SCAI: variants seen among roughly 807,000 people sequenced by gnomAD.
SCAI encodes protein SCAI.
Under a neutral mutation model 92.2 loss-of-function variants are expected in SCAI, and 24 were observed. The observed-to-expected ratio is 0.26, with a 90% CI of 0.19 to 0.37. The LOEUF is 0.37. Among genes scored for constraint, SCAI ranks in the 10% least tolerant of loss-of-function variants. The pLI, the probability that SCAI is intolerant of heterozygous loss-of-function variation, is 1.00. For synonymous variants in SCAI, 261 were observed against 258.6 expected (o/e 1.01, Z -0.09); for missense variants, 450 against 736.2 (o/e 0.61, Z 4.50).
Position 124,944,645 on chromosome 9 carries a change from TTAG to T in SCAI, c.*8159_*8161del, listed in dbSNP as rs935073032. 1 of 152,090 alleles carries T rather than the reference TTAG, an allele frequency of 6.6e-6. No individual in the cohort carries two copies. The allele number at this position is 152,090 out of a possible 1,614,324, so 9.4% of individuals were successfully genotyped here. ...TAGTTTTAATTTAGAAAAAAAGCAA[TTAG>T]TAGCATGCTTCTTTAAGGGTGGAAA... On this transcript the variant is annotated 3_prime_UTR_variant, in exon 18 of 18. Coordinates refer to ENST00000336505, the MANE Select transcript of SCAI (RefSeq NM_001144877.3).
chr9:125,134,174 A>G (rs948080363), intron 2 of SCAI, among the ~76,000 whole-genome samples: 2 of 152,196 alleles, frequency 1.3e-5, no homozygotes, highest in Non-Finnish European at 2.9e-5. Flanking sequence ...TAGTCACACT[A>G]CCAACAAATT....
intron 2 of SCAI, among the ~76,000 whole-genome samples, chr9:125,064,910 C>T (rs991927633): frequency 1.3e-5 from 2 of 151,918 alleles, no homozygotes; most frequent in African/African-American, 2.4e-5. Flanking sequence ...AAATAATTCA[C>T]GGGTCAAAAA....
At chr9:125,099,174 C>A (rs905539240) in intron 2 of SCAI, among the ~76,000 whole-genome samples, 2 of 152,024 alleles carry the variant, frequency 1.3e-5, no homozygotes, top group Non-Finnish European at 2.9e-5. Flanking sequence ...TTTAAGAATA[C>A]ATATTCATAT....
intron 17 of SCAI, among the ~76,000 whole-genome samples, chr9:124,953,367 G>A (rs1432136644): frequency 6.6e-6 from 1 of 152,030 alleles, no homozygotes; most frequent in African/African-American, 2.4e-5. Flanking sequence ...CATGGCTCAC[G>A]CCTGTAATCC....
In SCAI at chr9:124,995,003, C is replaced by A; in HGVS notation, c.1257G>T (p.Gly419=). 1 of 1,610,926 alleles carries A rather than the reference C, an allele frequency of 6.2e-7. No homozygotes were observed. The highest frequency in any genetic ancestry group is 1.7e-5 in the Admixed American group (1 of 59,658). ...SHKEMHCLHP[G]DLYPFTRKPL... ...GCTTCCTGGTGAAAGGATAGAGATCCCCGGGATGAAGGCTGGGAAAACAAC... is the reference window on the plus strand; with the variant it reads ...GCTTCCTGGTGAAAGGATAGAGATCACCGGGATGAAGGCTGGGAAAACAAC... Residue 419 remains glycine, a synonymous_variant, in exon 14 of 18, where the codon GGG becomes GGT. Transcript: ENST00000336505.
intron 9 of SCAI, among the ~76,000 whole-genome samples, chr9:125,004,035 G>T (rs996884488): frequency 6.6e-6 from 1 of 152,060 alleles, no homozygotes; most frequent in South Asian, 2.1e-4. Flanking sequence ...AATTAGCCGG[G>T]TGTGGTGGTG....
intron 3 of SCAI, 83 bp from the exon 4 acceptor site, chr9:125,029,822 A>C: frequency 1.3e-6 from 1 of 749,560 alleles, no homozygotes; most frequent in Non-Finnish European, 2.0e-6. Context: ...CAAACCAGAC[A>C]GATGAAAAAT....
intron 2 of SCAI, among the ~76,000 whole-genome samples, chr9:125,069,454 A>G (rs991989387): frequency 1.3e-5 from 2 of 148,468 alleles, no homozygotes; most frequent in African/African-American, 2.5e-5. Context: ...AGTAGCTGGG[A>G]CTACAGGCGC....
At chr9:124,998,926 A>C (rs1832301653) in intron 13 of SCAI, among the ~76,000 whole-genome samples, 1 of 151,954 alleles carries the variant, frequency 6.6e-6, no homozygotes, top group Non-Finnish European at 1.5e-5. Flanking sequence ...CCTTTATCAT[A>C]AATAGCTAGA....
intron 17 of SCAI, chr9:124,968,713 T>A: frequency 7.1e-7 from 1 of 1,404,670 alleles, no homozygotes; most frequent in Non-Finnish European, 1.0e-6. Context: ...AAATAGACAC[T>A]CTGCTTTTTG....
At position 125,020,567 on chromosome 9, in the gene SCAI, A is replaced by G. The variant is rs1042161882; in HGVS notation, c.609+106T>C. On this transcript the variant is annotated intron_variant, in intron 7 of 17. Transcript: ENST00000336505. ...AAGTTACTATACTTTGAATATTGTAATTATTGATATATCAAAATTATTTTA... is the reference window on the plus strand; with the variant it reads ...AAGTTACTATACTTTGAATATTGTAGTTATTGATATATCAAAATTATTTTA... 3.3e-4 allele frequency: 186 copies of G among 571,312 alleles called. 1 individual carries two copies. Among genetic ancestry groups the G allele is most frequent in the Non-Finnish European group, 6.4e-5 (21 of 327,400 alleles). 35.4% of individuals were successfully genotyped at this position (571,312 alleles called of 1,614,324 possible).
chr9:125,076,269 C>A (rs192563603), intron 2 of SCAI, among the ~76,000 whole-genome samples: 5 of 151,676 alleles, frequency 3.3e-5, no homozygotes, highest in African/African-American at 1.2e-4. Context: ...GAGGCCGAGG[C>A]AGGCAGCTCA....
intron 14 of SCAI, among the ~76,000 whole-genome samples, chr9:124,980,173 AGATCCCTAAAGATGGCTT>A (rs564900032): frequency 6.6e-6 from 1 of 152,300 alleles, no homozygotes; most frequent in East Asian, 1.9e-4. Flanking sequence ...TCTGCACTAC[AGATCCCTAAAGATGGCTT>A]TAGGGATCTT....
At chr9:125,044,976 C>A (rs776270306) in intron 3 of SCAI, among the ~76,000 whole-genome samples, 5 of 152,218 alleles carry the variant, frequency 3.3e-5, no homozygotes, top group Non-Finnish European at 5.9e-5. Context: ...CTTGGCTGTG[C>A]ACAGTGGCCA....
intron 9 of SCAI, among the ~76,000 whole-genome samples, chr9:125,011,263 G>T (rs1451461437): frequency 6.6e-6 from 1 of 152,154 alleles, no homozygotes; most frequent in African/African-American, 2.4e-5. Context: ...CAAACCAAAG[G>T]CAAAGAAGTT....
chr9:125,115,370 CAAAAA>C (rs58814200), intron 2 of SCAI, among the ~76,000 whole-genome samples: 1 of 52,424 alleles, frequency 1.9e-5, no homozygotes, highest in African/African-American at 7.6e-5. Flanking sequence ...AGACTCTCCT[CAAAAA>C]AAAAAAAAAA....
intron 3 of SCAI, among the ~76,000 whole-genome samples, chr9:125,038,992 C>T (rs909843930): frequency 2.6e-5 from 4 of 152,184 alleles, no homozygotes; most frequent in African/African-American, 9.6e-5. Flanking sequence ...TTTTTATACC[C>T]GGCCAACTGA....
At chr9:125,032,340 C>T (rs1297014802) in intron 3 of SCAI, among the ~76,000 whole-genome samples, 4 of 150,338 alleles carry the variant, frequency 2.7e-5, no homozygotes, top group Admixed American at 6.6e-5. Flanking sequence ...TGCAAGCACA[C>T]GATACCACGC....
intron 2 of SCAI, among the ~76,000 whole-genome samples, chr9:125,136,500 G>A (rs1302324189): frequency 4.9e-4 from 57 of 115,876 alleles, no homozygotes; most frequent in African/African-American, 1.6e-3. Flanking sequence ...TCGCTTTGTC[G>A]CCCAGGCTGG....
Sources: gnomAD v4.1 joint callset for allele counts (sites outside exome capture counted in the v4.1 genomes callset) on GRCh38, gnomAD v4.1.1 for gene constraint, MANE v1.5 for transcripts, NCBI Gene and HGNC (gene_info 2026-07-23, HGNC 2026-07-21) for gene names.